Variants in DMD observed in about 807,000 individuals in gnomAD.
DMD encodes dystrophin.
Under a neutral mutation model 330.1 loss-of-function variants are expected in DMD, and 63 were observed. That is an observed-to-expected ratio of 0.19 (90% confidence interval 0.16 to 0.24). The LOEUF (loss-of-function observed/expected upper bound fraction) is 0.24, where lower values mean the gene tolerates loss of function less well. Ranked by LOEUF, DMD falls within the 10% of genes least tolerant of loss-of-function variation. DMD has a pLI of 1.00. For synonymous variants in DMD, 1,223 were observed against 959.8 expected, an observed-to-expected ratio of 1.27 and a Z score of -5.07; for missense variants, 3,344 against 2,684.1, an observed-to-expected ratio of 1.25 and a Z score of -5.43.
At chrX:31,440,899 A>T (rs1035136488) in intron 60 of DMD, among the ~76,000 whole-genome samples, 1 of 112,464 alleles carries the variant, frequency 8.9e-6, no homozygotes, top group Admixed American at 9.4e-5. Flanking sequence ...ATACATTATG[A>T]TTCTATACAT....
At chrX:33,279,428 A>T (rs1368649554) in intron 1 of DMD, among the ~76,000 whole-genome samples, 1 of 103,857 alleles carries the variant, frequency 9.6e-6, no homozygotes, top group African/African-American at 3.6e-5. Flanking sequence ...GTAATATTCC[A>T]TGGTATGCAT....
intron 2 of DMD, among the ~76,000 whole-genome samples, chrX:32,957,646 G>A (rs1473504857): frequency 3.6e-5 from 4 of 111,601 alleles, no homozygotes; most frequent in Non-Finnish European, 5.7e-5. Context: ...GACAGATATT[G>A]TGATTTAAGG....
rs9887434 is a variant in DMD, at chrX:32,554,831, G to A, written c.1993-9497C>T. 2.8e-3 allele frequency among the ~76,000 whole-genome samples: 24 copies of A among 8,542 alleles called. 1 individual carries two copies. The highest frequency in any genetic ancestry group is 3.8e-3 in the Non-Finnish European group (20 of 5,212). The allele number at this position is 8,542 out of a possible 115,157, so 7.4% of individuals were successfully genotyped here. On this transcript the variant is annotated intron_variant, in intron 16 of 78. Transcript: ENST00000357033. Reference sequence around the variant, plus strand: ...GAGGGAGGGAGGGAGGGAGGGGGAGGGAGAGAGAGAGAGAGAGAGAGAGAG... The same window carrying A: ...GAGGGAGGGAGGGAGGGAGGGGGAGAGAGAGAGAGAGAGAGAGAGAGAGAG...
intron 1 of DMD, among the ~76,000 whole-genome samples, chrX:33,249,203 T>C (rs1442795447): frequency 1.8e-5 from 2 of 112,341 alleles, no homozygotes; most frequent in African/African-American, 6.5e-5. Flanking sequence ...CAGGCTGGAG[T>C]GCAATGGCAC....
chrX:31,307,129 T>C lies in DMD; in HGVS notation c.9224+16469A>G, dbSNP rs764338483. Among the ~76,000 whole-genome samples the C allele has an allele frequency of 8.1e-5, 9 of 111,513 alleles. No homozygotes were observed. The East Asian group carries it at 2.5e-3, about 31-fold the overall frequency. On this transcript the variant is annotated intron_variant, in intron 62 of 78. Transcript: ENST00000357033. Reference sequence around the variant, plus strand: ...CACATCAGGACTTTTAGGTTTTAATTTTAAAGAAGTGTTCCACATTTGAGC... The same window carrying C: ...CACATCAGGACTTTTAGGTTTTAATCTTAAAGAAGTGTTCCACATTTGAGC...
intron 43 of DMD, among the ~76,000 whole-genome samples, chrX:32,258,800 C>G (rs1346342575): frequency 9.0e-6 from 1 of 110,801 alleles, no homozygotes; most frequent in African/African-American, 3.3e-5. Flanking sequence ...TGTCCCAGAA[C>G]TTAAAGTATA....
intron 49 of DMD, among the ~76,000 whole-genome samples, chrX:31,829,994 G>A (rs2092985101): frequency 8.9e-6 from 1 of 112,250 alleles, no homozygotes; most frequent in South Asian, 3.6e-4. Context: ...AGAAAAGAAA[G>A]TTGGCTCATA....
chrX:33,148,151 G>A, intron 1 of DMD, among the ~76,000 whole-genome samples: 1 of 112,143 alleles, frequency 8.9e-6, no homozygotes. Flanking sequence ...ACTCTAAATG[G>A]CTGCATGATA....
chrX:32,147,569 T>C (rs1603627123), intron 44 of DMD, among the ~76,000 whole-genome samples: 1 of 111,765 alleles, frequency 8.9e-6, no homozygotes, highest in East Asian at 2.8e-4. Flanking sequence ...AGAAAAAATA[T>C]GAAATCAAAT....
At chrX:32,687,004 G>A (rs1365710456) in intron 9 of DMD, among the ~76,000 whole-genome samples, 1 of 112,087 alleles carries the variant, frequency 8.9e-6, no homozygotes, top group Admixed American at 9.5e-5. Context: ...GAAAGGTGTA[G>A]AGGTTTCAGT....
intron 26 of DMD, among the ~76,000 whole-genome samples, chrX:32,451,891 T>A (rs181783339): frequency 9.0e-6 from 1 of 110,842 alleles, no homozygotes; most frequent in East Asian, 2.9e-4. Context: ...AGAGTTTACC[T>A]CTTTTTACTA....
chrX:32,249,987 C>A (rs1041507679), intron 43 of DMD, among the ~76,000 whole-genome samples: 1 of 101,501 alleles, frequency 9.9e-6, no homozygotes, highest in Non-Finnish European at 2.0e-5. Context: ...CATAATGTCC[C>A]ACTTTTTTTG....
intron 62 of DMD, among the ~76,000 whole-genome samples, chrX:31,320,297 G>A (rs761346833): frequency 8.9e-6 from 1 of 112,326 alleles, no homozygotes; most frequent in South Asian, 3.7e-4. Context: ...TCAAGAATGA[G>A]TGCACAATTC....
intron 37 of DMD, among the ~76,000 whole-genome samples, chrX:32,350,242 T>C (rs1413061248): frequency 9.0e-6 from 1 of 111,181 alleles, no homozygotes; most frequent in African/African-American, 3.3e-5. Context: ...TAATTTAAGA[T>C]ACAATTTTCT....
At chrX:32,715,243 C>T (rs1454322621) in intron 7 of DMD, among the ~76,000 whole-genome samples, 2 of 110,231 alleles carry the variant, frequency 1.8e-5, no homozygotes, top group African/African-American at 6.6e-5. Context: ...CTTTGGGAGG[C>T]CAAGGCAGGA....
intron 44 of DMD, among the ~76,000 whole-genome samples, chrX:31,989,367 T>C (rs985311796): frequency 5.3e-5 from 6 of 112,488 alleles, no homozygotes; most frequent in Admixed American, 2.8e-4. Flanking sequence ...AACAATCGGT[T>C]CCAAATTCTA....
intron 11 of DMD, among the ~76,000 whole-genome samples, chrX:32,623,536 T>G (rs1057137806): frequency 1.1e-4 from 12 of 108,248 alleles, no homozygotes; most frequent in Non-Finnish European, 2.3e-4. Context: ...GTATTTTTTT[T>G]TTTTTTTTTG....
chrX:33,241,819 T>C (rs1354764203), intron 1 of DMD, among the ~76,000 whole-genome samples: 1 of 111,255 alleles, frequency 9.0e-6, no homozygotes, highest in East Asian at 2.8e-4. Context: ...TGGAGTGCAG[T>C]GTCATGATCT....
intron 1 of DMD, among the ~76,000 whole-genome samples, chrX:33,047,132 G>A (rs1251411539): frequency 9.0e-6 from 1 of 111,632 alleles, no homozygotes; most frequent in Non-Finnish European, 1.9e-5. Context: ...AGTTCATATA[G>A]CTACTTTGCA....
Sources: gnomAD v4.1 joint callset for allele counts (sites outside exome capture counted in the v4.1 genomes callset) on GRCh38, gnomAD v4.1.1 for gene constraint, MANE v1.5 for transcripts, NCBI Gene and HGNC (gene_info 2026-07-23, HGNC 2026-07-21) for gene names.